Variants in CYP19A1 observed in about 807,000 individuals in gnomAD.
CYP19A1 encodes cytochrome P450 family 19 subfamily A member 1, also known as aromatase.
A neutral mutation model predicts 44.4 loss-of-function variants in CYP19A1; 32 were observed. The ratio of observed to expected loss-of-function variants is 0.72; its 90% CI spans 0.54 to 0.97. The LOEUF is 0.97. Among genes scored for constraint, CYP19A1 ranks in the 50% least tolerant of loss-of-function variants. The probability of loss-of-function intolerance (pLI) is 0.00; values close to 1 mark genes in which losing one functional copy is unlikely to be tolerated. For missense variants in CYP19A1, 598 were observed against 637.8 expected (o/e 0.94, Z 0.67); for synonymous variants, 212 against 215.6 (o/e 0.98, Z 0.14).
intron 1 of CYP19A1, among the ~76,000 whole-genome samples, chr15:51,295,350 G>C (rs1007797469): frequency 2.0e-5 from 3 of 152,092 alleles, no homozygotes; most frequent in African/African-American, 7.2e-5. Flanking sequence ...TCTTCTCTCA[G>C]TTTCCTTAGG....
At chr15:51,311,666 T>C (rs1056159931) in intron 1 of CYP19A1, among the ~76,000 whole-genome samples, 9 of 152,192 alleles carry the variant, frequency 5.9e-5, no homozygotes, top group African/African-American at 1.7e-4. Flanking sequence ...AAACTGAATG[T>C]CCCACAACTC....
At chr15:51,256,822 G>A (rs1335711821) in intron 1 of CYP19A1, among the ~76,000 whole-genome samples, 4 of 152,064 alleles carry the variant, frequency 2.6e-5, no homozygotes, top group South Asian at 2.1e-4. Flanking sequence ...AAAACAAAGC[G>A]ATCATACCCT....
At chr15:51,306,533 TA>T (rs1248994941) in intron 1 of CYP19A1, among the ~76,000 whole-genome samples, 4 of 152,034 alleles carry the variant, frequency 2.6e-5, no homozygotes, top group Admixed American at 6.5e-5. Context: ...ACAAATAGCT[TA>T]AAAAAAACCC....
At chr15:51,285,036 C>T (rs956537324) in intron 1 of CYP19A1, among the ~76,000 whole-genome samples, 16 of 152,262 alleles carry the variant, frequency 1.1e-4, no homozygotes, top group Non-Finnish European at 2.1e-4. Context: ...ATGAACGAAC[C>T]GTGTGGGTGC....
At chr15:51,256,136 C>T (rs1335930820) in intron 1 of CYP19A1, among the ~76,000 whole-genome samples, 5 of 152,228 alleles carry the variant, frequency 3.3e-5, no homozygotes, top group Admixed American at 2.6e-4. Context: ...CTGGAAGAAG[C>T]GTGTCTGTAC....
intron 1 of CYP19A1, among the ~76,000 whole-genome samples, chr15:51,289,386 G>A (rs943051047): frequency 1.9e-4 from 29 of 152,250 alleles, no homozygotes; most frequent in African/African-American, 6.3e-4. Context: ...TCTGGGCATG[G>A]AGCAGCTCTC....
chr15:51,211,192 A>C (rs1291693770), intron 9 of CYP19A1, 136 bp from the exon 10 acceptor site: 1 of 699,176 alleles, frequency 1.4e-6, no homozygotes, highest in African/African-American at 1.8e-5. Flanking sequence ...CCATCCCCTC[A>C]GATGAACAAC....
At chr15:51,250,470 C>T (rs953162340) in intron 1 of CYP19A1, among the ~76,000 whole-genome samples, 1 of 152,230 alleles carries the variant, frequency 6.6e-6, no homozygotes, top group Non-Finnish European at 1.5e-5. Context: ...AGCCTATTTG[C>T]CTGTCTGATG....
intron 1 of CYP19A1, among the ~76,000 whole-genome samples, chr15:51,281,640 C>CT (rs1256352863): frequency 6.6e-6 from 1 of 152,172 alleles, no homozygotes; most frequent in Non-Finnish European, 1.5e-5. Context: ...GTTGGCCCCC[C>CT]TCTCAGGGGA....
intron 1 of CYP19A1, among the ~76,000 whole-genome samples, chr15:51,303,079 A>G (rs543780309): frequency 9.2e-5 from 14 of 152,188 alleles, no homozygotes; most frequent in Admixed American, 2.0e-4. Flanking sequence ...TCTTCAGCCA[A>G]CTGTCACTGG....
chr15:51,225,401 G>T (rs1354498185), intron 4 of CYP19A1, among the ~76,000 whole-genome samples: 1 of 152,102 alleles, frequency 6.6e-6, no homozygotes, highest in East Asian at 1.9e-4. Context: ...CATTTCTACG[G>T]GATCTTATAG....
chr15:51,272,610 C>T (rs529108680), intron 1 of CYP19A1, among the ~76,000 whole-genome samples: 2 of 152,268 alleles, frequency 1.3e-5, no homozygotes, highest in Non-Finnish European at 1.5e-5. Flanking sequence ...TTAATGAGTT[C>T]GTACCTTCAC....
intron 1 of CYP19A1, among the ~76,000 whole-genome samples, chr15:51,291,613 A>G (rs1190404710): frequency 1.3e-5 from 2 of 152,216 alleles, no homozygotes; most frequent in East Asian, 1.9e-4. Flanking sequence ...AGCAAGACCA[A>G]CGTAGAGAGG....
At chr15:51,259,831 C>G (rs1238453220) in intron 1 of CYP19A1, among the ~76,000 whole-genome samples, 2 of 152,132 alleles carry the variant, frequency 1.3e-5, no homozygotes. Context: ...AAAATTGCCC[C>G]AAATTACATT....
At chr15:51,276,789 A>C (rs1347124680) in intron 1 of CYP19A1, among the ~76,000 whole-genome samples, 1 of 152,250 alleles carries the variant, frequency 6.6e-6, no homozygotes, top group Non-Finnish European at 1.5e-5. Flanking sequence ...ACAGAAATAC[A>C]AGTCATAAGC....
At chr15:51,263,811 T>C (rs1335537405) in intron 1 of CYP19A1, among the ~76,000 whole-genome samples, 2 of 152,172 alleles carry the variant, frequency 1.3e-5, no homozygotes, top group African/African-American at 4.8e-5. Context: ...ATTGTGATTG[T>C]GAACATGGAG....
chr15:51,224,632 A>G (rs1269994475), intron 4 of CYP19A1, among the ~76,000 whole-genome samples: 3 of 152,212 alleles, frequency 2.0e-5, no homozygotes, highest in Non-Finnish European at 2.9e-5. Context: ...TAGCTCCTAA[A>G]TGTTCTCACT....
At chr15:51,242,224 A>G (rs2033814454) in intron 2 of CYP19A1, 1 of 155,532 alleles carries the variant, frequency 6.4e-6, no homozygotes, top group Non-Finnish European at 1.4e-5. Context: ...GGCTCCCATA[A>G]GGGTCGAATG....
At chr15:51,312,559 A>G in intron 1 of CYP19A1, 1 of 152,460 alleles carries the variant, frequency 6.6e-6, no homozygotes, top group Non-Finnish European at 1.5e-5. Flanking sequence ...CCAAGAACCA[A>G]AGTCCTGGGT....
Sources: allele counts gnomAD v4.1 joint callset (sites outside exome capture counted in the v4.1 genomes callset), GRCh38; gene constraint gnomAD v4.1.1; transcripts MANE v1.5; gene names NCBI Gene and HGNC (gene_info 2026-07-23, HGNC 2026-07-21).